The following NSUN7 variants were observed in gnomAD, a reference collection of about 807,000 sequenced individuals.
The protein encoded by NSUN7 is protein NSUN7.
Under a neutral mutation model 58.5 loss-of-function variants are expected in NSUN7, and 39 were observed. The ratio of observed to expected loss-of-function variants is 0.67; its 90% CI spans 0.52 to 0.87. NSUN7 has a LOEUF of 0.87. Ranked by LOEUF, NSUN7 falls within the 40% of genes least tolerant of loss-of-function variation. NSUN7 has a pLI of 0.00. For missense variants in NSUN7, 765 were observed against 844.1 expected, an observed-to-expected ratio of 0.91 and a Z score of 1.16; for synonymous variants, 278 against 303.7, an observed-to-expected ratio of 0.92 and a Z score of 0.88.
chr4:40,796,001 C>T (rs1252427881), intron 9 of NSUN7, among the ~76,000 whole-genome samples: 2 of 152,172 alleles, frequency 1.3e-5, no homozygotes, highest in East Asian at 3.8e-4. Context: ...ACCAGAGCAA[C>T]AAGGGGGCTC....
intron 7 of NSUN7, among the ~76,000 whole-genome samples, chr4:40,787,855 G>A (rs1407570138): frequency 1.3e-5 from 2 of 152,022 alleles, no homozygotes; most frequent in African/African-American, 2.4e-5. Flanking sequence ...TTTTTGAGAC[G>A]GAGTCTTGCT....
intron 10 of NSUN7, among the ~76,000 whole-genome samples, chr4:40,802,263 G>A (rs576729797): frequency 3.3e-5 from 5 of 150,862 alleles, no homozygotes; most frequent in South Asian, 2.1e-4. Flanking sequence ...TTCCATTGAC[G>A]TTTGGCTCTT....
chr4:40,804,934 TG>T (rs1293612911), intron 10 of NSUN7, among the ~76,000 whole-genome samples: 2 of 152,146 alleles, frequency 1.3e-5, no homozygotes, highest in African/African-American at 4.8e-5. Context: ...CTCAGTGCTG[TG>T]GTGCCCCTCT....
intron 7 of NSUN7, among the ~76,000 whole-genome samples, chr4:40,777,341 T>A (rs574716350): frequency 1.3e-5 from 2 of 152,170 alleles, no homozygotes; most frequent in South Asian, 2.1e-4. Context: ...AATTTTTTTT[T>A]ATTTTTCTGA....
intron 10 of NSUN7, among the ~76,000 whole-genome samples, chr4:40,802,161 C>A (rs1012102230): frequency 1.3e-5 from 2 of 152,026 alleles, no homozygotes; most frequent in African/African-American, 4.8e-5. Context: ...CCCAAATAAT[C>A]TTTCCTTGGC....
chr4:40,785,286 G>A (rs891168038), intron 7 of NSUN7, among the ~76,000 whole-genome samples: 1 of 151,040 alleles, frequency 6.6e-6, no homozygotes, highest in Non-Finnish European at 1.5e-5. Context: ...CTCCTAATAT[G>A]TTTTTCAGCC....
chr4:40,769,908 C>T lies in NSUN7; in HGVS notation c.489-4357C>T, dbSNP rs79987625. On this transcript the variant is annotated intron_variant, in intron 4 of 11. Transcript: ENST00000381782. ...CAGTTCATTGAAGATTATCTTTTGG[C>T]ATTAAGAAAATGCAATCAAGGTCAG... Among the ~76,000 whole-genome samples the T allele has an allele frequency of 9.3e-3, 1,420 of 152,248 alleles. 32 individuals carry two copies. The highest frequency in any genetic ancestry group is 0.032 in the African/African-American group (1,346 of 41,534).
intron 4 of NSUN7, among the ~76,000 whole-genome samples, chr4:40,762,876 C>A (rs1237203295): frequency 1.3e-5 from 2 of 151,960 alleles, no homozygotes; most frequent in African/African-American, 4.8e-5. Context: ...ATTAGATGAT[C>A]CTTATGAGAT....
chr4:40,759,135 C>A (rs542378568), intron 2 of NSUN7, among the ~76,000 whole-genome samples: 1 of 152,112 alleles, frequency 6.6e-6, no homozygotes, highest in Non-Finnish European at 1.5e-5. Context: ...CATGGTGAAA[C>A]CCTGTCTCTA....
In NSUN7 at chr4:40,786,119, A is replaced by G. The variant is rs1327578346; in HGVS notation, c.1037-4483A>G. 3 of 1,564,352 alleles carry G rather than the reference A, an allele frequency of 1.9e-6. No individual in the cohort carries two copies. In the East Asian group the frequency reaches 6.8e-5, roughly 35 times the overall value. The stretch of plus-strand genomic sequence containing the variant: ...ATTTATTTGCACCTGGAAATGGGGA[A>G]TGGGCTATCAGACCAGACTTCTATC... On this transcript the variant is annotated intron_variant, in intron 7 of 11. Coordinates refer to ENST00000381782, the MANE Select transcript of NSUN7 (RefSeq NM_024677.6).
rs190525916 is a variant in NSUN7 at position 40,790,770 on chromosome 4, T to C, written c.1180+25T>C. 3.7e-4 allele frequency: 546 copies of C among 1,464,936 alleles called. 3 individuals carry two copies. In the African/African-American group the frequency reaches 6.1e-3, roughly 16 times the overall value. 90.7% of individuals were successfully genotyped at this position (1,464,936 alleles called of 1,614,324 possible). A position where few individuals can be genotyped will look rare whatever the true frequency, so the allele number is the denominator to read the frequency against. ...GGTACTTGTTTTAATTTCTAAATTA[T>C]TGAAATTAGTTGACAGTTTAAAATA... On this transcript the variant is annotated intron_variant, in intron 8 of 11. Transcript: ENST00000381782.
intron 10 of NSUN7, among the ~76,000 whole-genome samples, chr4:40,800,713 TTAAA>T (rs1264714162): frequency 6.6e-6 from 1 of 152,250 alleles, no homozygotes; most frequent in East Asian, 1.9e-4. Context: ...CATCGTAAGT[TTAAA>T]TAGCTGCAAA....
At chr4:40,780,811 ATATTTTTTTTTTTT>A (rs1343546890) in intron 7 of NSUN7, among the ~76,000 whole-genome samples, 10 of 94,108 alleles carry the variant, frequency 1.1e-4, no homozygotes, top group African/African-American at 4.2e-4. Flanking sequence ...ATATATATAT[ATATTTTTTTTTTTT>A]TTTTTTTTTT....
chr4:40,765,565 C>T (rs1428049063), intron 4 of NSUN7, among the ~76,000 whole-genome samples: 1 of 151,818 alleles, frequency 6.6e-6, no homozygotes, highest in Non-Finnish European at 1.5e-5. Flanking sequence ...GCGATGTGGG[C>T]TCTTTTTTGG....
chr4:40,764,487 C>T (rs1361625037), intron 4 of NSUN7, among the ~76,000 whole-genome samples: 4 of 151,926 alleles, frequency 2.6e-5, no homozygotes, highest in African/African-American at 9.7e-5. Flanking sequence ...CATCGTTGGA[C>T]ATTTGGGTTG....
intron 7 of NSUN7, among the ~76,000 whole-genome samples, chr4:40,785,156 A>T (rs2154288274): frequency 6.7e-6 from 1 of 150,032 alleles, no homozygotes; most frequent in East Asian, 2.0e-4. Context: ...CCACTTCAGC[A>T]TCCCAAGTAG....
At chr4:40,787,906 C>A (rs540939408) in intron 7 of NSUN7, among the ~76,000 whole-genome samples, 3 of 152,192 alleles carry the variant, frequency 2.0e-5, no homozygotes, top group Non-Finnish European at 4.4e-5. Flanking sequence ...ACGATCTTGG[C>A]TCACTGCAAC....
intron 4 of NSUN7, among the ~76,000 whole-genome samples, chr4:40,770,857 C>T (rs373481047): frequency 6.6e-6 from 1 of 152,156 alleles, no homozygotes; most frequent in Non-Finnish European, 1.5e-5. Context: ...TCGAGACCAT[C>T]TTGGCCAACA....
Position 40,809,254 on chromosome 4 carries a change from C to G in NSUN7, c.*315C>G, listed in dbSNP as rs1744047303. ...TGGACTTAAAGCTGCCAAGTTTCCC[C>G]TGCAGGGAAGGAAACACTGCCTCCC... On this transcript the variant is annotated 3_prime_UTR_variant, in exon 12 of 12. Transcript: ENST00000381782. 4.4e-6 allele frequency: 1 copy of G among 229,038 alleles called. No individual in the cohort carries two copies. Among genetic ancestry groups the G allele is most frequent in the African/African-American group, 2.3e-5 (1 of 44,248 alleles). 14.2% of individuals were successfully genotyped at this position (229,038 alleles called of 1,614,324 possible).
Sources: allele counts gnomAD v4.1 joint callset (sites outside exome capture counted in the v4.1 genomes callset), GRCh38; gene constraint gnomAD v4.1.1; transcripts MANE v1.5; gene names NCBI Gene and HGNC (gene_info 2026-07-23, HGNC 2026-07-21).